RABGAP1L: variants seen among roughly 807,000 people sequenced by gnomAD.
The protein encoded by RABGAP1L is rab GTPase-activating protein 1-like.
A neutral mutation model predicts 137.7 loss-of-function variants in RABGAP1L; 63 were observed. The observed-to-expected ratio is 0.46, with a 90% CI of 0.37 to 0.56. The LOEUF (loss-of-function observed/expected upper bound fraction) is 0.56, where lower values mean the gene tolerates loss of function less well. RABGAP1L is among the 20% of genes least tolerant of loss of function. The probability of loss-of-function intolerance (pLI) is 0.00; values close to 1 mark genes in which losing one functional copy is unlikely to be tolerated. For missense variants in RABGAP1L, 1,095 were observed against 1,244.0 expected (o/e 0.88, Z 1.80); for synonymous variants, 431 against 433.7 (o/e 0.99, Z 0.08).
chr1:174,490,446 A>C (rs184052901), intron 13 of RABGAP1L, among the ~76,000 whole-genome samples: 121 of 152,188 alleles, frequency 8.0e-4, no homozygotes, highest in Non-Finnish European at 9.7e-4. Context: ...AGTTCTCTCT[A>C]TGTTGAGCTG....
At chr1:174,808,168 T>C (rs911010377) in intron 18 of RABGAP1L, among the ~76,000 whole-genome samples, 18 of 151,788 alleles carry the variant, frequency 1.2e-4, no homozygotes, top group African/African-American at 4.4e-4. Flanking sequence ...TTTGTATTTT[T>C]AGTAGAGATG....
At chr1:174,907,620 G>A (rs1420872971) in intron 19 of RABGAP1L, among the ~76,000 whole-genome samples, 1 of 151,978 alleles carries the variant, frequency 6.6e-6, no homozygotes, top group East Asian at 1.9e-4. Flanking sequence ...TGGCCCCTAT[G>A]TTGTCATCTT....
intron 11 of RABGAP1L, among the ~76,000 whole-genome samples, chr1:174,313,833 C>T (rs1189640404): frequency 1.3e-5 from 2 of 152,052 alleles, no homozygotes; most frequent in Non-Finnish European, 2.9e-5. Context: ...TGAACCATCC[C>T]TGCATCCCAG....
intron 19 of RABGAP1L, among the ~76,000 whole-genome samples, chr1:174,838,248 A>G (rs1370905158): frequency 2.0e-5 from 3 of 152,358 alleles, no homozygotes; most frequent in Non-Finnish European, 2.9e-5. Flanking sequence ...CATAATGTTG[A>G]TCATTGGAAC....
At chr1:174,451,495 T>C (rs1263161749) in intron 13 of RABGAP1L, among the ~76,000 whole-genome samples, 1 of 152,190 alleles carries the variant, frequency 6.6e-6, no homozygotes, top group Non-Finnish European at 1.5e-5. Flanking sequence ...AGATAATAGT[T>C]ATTATTTCCA....
intron 13 of RABGAP1L, among the ~76,000 whole-genome samples, chr1:174,495,018 C>T (rs1408159981): frequency 6.6e-6 from 1 of 152,016 alleles, no homozygotes; most frequent in African/African-American, 2.4e-5. Context: ...CTTATCAATC[C>T]CTTATCCTCC....
chr1:174,990,008 C>A lies in RABGAP1L; in HGVS notation c.*7C>A. 1 of 1,532,840 alleles carries A rather than the reference C, an allele frequency of 6.5e-7. No homozygotes were observed. Among genetic ancestry groups the A allele is most frequent in the South Asian group, 1.2e-5 (1 of 83,606 alleles). 95.0% of individuals were successfully genotyped at this position (1,532,840 alleles called of 1,614,324 possible). A position where few individuals can be genotyped will look rare whatever the true frequency, so the allele number is the denominator to read the frequency against. ...ACCCAAGGAGAGCACATAGTTCCAG[C>A]CTTACCCAAGCACAAGAGCACAATG... is the stretch of plus-strand genomic sequence containing the variant. On this transcript the variant is annotated 3_prime_UTR_variant, in exon 26 of 26. Transcript: ENST00000681986.
intron 13 of RABGAP1L, among the ~76,000 whole-genome samples, chr1:174,597,346 G>T (rs1190701370): frequency 6.6e-6 from 1 of 151,982 alleles, no homozygotes; most frequent in Non-Finnish European, 1.5e-5. Context: ...TCATTTTCTG[G>T]GACTTTTCTT....
At chr1:174,710,963 G>A (rs1057201617) in intron 17 of RABGAP1L, among the ~76,000 whole-genome samples, 6 of 152,150 alleles carry the variant, frequency 3.9e-5, no homozygotes, top group African/African-American at 1.4e-4. Context: ...GGAGCCCACG[G>A]TGGCGGGGAG....
chr1:174,214,478 A>G (rs1669132287), intron 1 of RABGAP1L, among the ~76,000 whole-genome samples: 1 of 152,224 alleles, frequency 6.6e-6, no homozygotes, highest in South Asian at 2.1e-4. Context: ...CAGAAATAGA[A>G]AAAAAAGTCC....
chr1:174,696,191 AG>A (rs763113849), intron 15 of RABGAP1L, among the ~76,000 whole-genome samples: 2 of 152,038 alleles, frequency 1.3e-5, no homozygotes, highest in South Asian at 4.2e-4. Flanking sequence ...AATGCTTTTC[AG>A]GAGCTAGGGT....
intron 19 of RABGAP1L, chr1:174,877,400 G>A (rs1558179781): frequency 1.9e-6 from 3 of 1,564,452 alleles, no homozygotes; most frequent in East Asian, 4.7e-5. Flanking sequence ...AGGTGGGTGT[G>A]TACACTGGCA....
At chr1:174,620,055 A>G (rs1324366155) in intron 13 of RABGAP1L, among the ~76,000 whole-genome samples, 1 of 152,224 alleles carries the variant, frequency 6.6e-6, no homozygotes, top group Non-Finnish European at 1.5e-5. Flanking sequence ...CCATTACATA[A>G]TGGTAAAGGG....
intron 13 of RABGAP1L, among the ~76,000 whole-genome samples, chr1:174,548,989 C>T (rs1384158458): frequency 6.6e-6 from 1 of 152,148 alleles, no homozygotes; most frequent in Non-Finnish European, 1.5e-5. Context: ...GTGGCCGATA[C>T]TTGAAATTGT....
At chr1:174,522,590 GAAA>G (rs1663518424) in intron 13 of RABGAP1L, among the ~76,000 whole-genome samples, 1 of 152,028 alleles carries the variant, frequency 6.6e-6, no homozygotes, top group Non-Finnish European at 1.5e-5. Flanking sequence ...AAAGAAAAAA[GAAA>G]AGAGAAGAAA....
chr1:174,663,510 C>T (rs1676544387), intron 14 of RABGAP1L, among the ~76,000 whole-genome samples: 1 of 152,120 alleles, frequency 6.6e-6, no homozygotes, highest in South Asian at 2.1e-4. Flanking sequence ...ATGATGTTTG[C>T]ACAACAACAA....
chr1:174,303,040 CT>C (rs201856820), intron 10 of RABGAP1L, among the ~76,000 whole-genome samples: 90 of 145,902 alleles, frequency 6.2e-4, no homozygotes, highest in Admixed American at 4.8e-4. Flanking sequence ...GGGGCATTTT[CT>C]TTTTTTTTTT....
At chr1:174,910,185 A>G (rs75481817) in intron 19 of RABGAP1L, among the ~76,000 whole-genome samples, 3,721 of 152,250 alleles carry the variant, frequency 0.024, 57 homozygotes, top group Middle Eastern at 0.082. Context: ...GCTGTAGTTT[A>G]AAGTCTCCCA....
At chr1:174,405,376 C>T (rs949872191) in intron 13 of RABGAP1L, among the ~76,000 whole-genome samples, 3 of 152,168 alleles carry the variant, frequency 2.0e-5, no homozygotes, top group African/African-American at 2.4e-5. Context: ...GTCAGAGCAT[C>T]GCTTAATTAT....
Sources: allele counts gnomAD v4.1 joint callset (sites outside exome capture counted in the v4.1 genomes callset), GRCh38; gene constraint gnomAD v4.1.1; transcripts MANE v1.5; gene names NCBI Gene and HGNC (gene_info 2026-07-23, HGNC 2026-07-21).